NCS1: variants seen among roughly 807,000 people sequenced by gnomAD.
The protein encoded by NCS1 is neuronal calcium sensor 1, also known as frequenin homolog.
NCS1 carries 6 observed loss-of-function variants against 28.4 expected under a neutral mutation model. The ratio of observed to expected loss-of-function variants is 0.21; its 90% CI spans 0.12 to 0.42. NCS1 has a LOEUF of 0.42. NCS1 is among the 10% of genes least tolerant of loss of function. The probability of loss-of-function intolerance (pLI) is 1.00; values close to 1 mark genes in which losing one functional copy is unlikely to be tolerated. For synonymous variants in NCS1, 86 were observed against 99.3 expected (o/e 0.87, Z 0.79); for missense variants, 131 against 241.4 (o/e 0.54, Z 3.03).
chr9:130,211,499 G>C (rs117732172), intron 2 of NCS1, among the ~76,000 whole-genome samples: 3,393 of 151,602 alleles, frequency 0.022, 71 homozygotes, highest in South Asian at 0.049. Flanking sequence ...ATGATGCTGG[G>C]ACTCCTGTCC....
rs1453264369 is a variant in NCS1, at chr9:130,201,815, C to G, written c.89+833C>G. On this transcript the variant is annotated intron_variant, in intron 2 of 7. Transcript: ENST00000372398. Reference sequence around the variant, plus strand: ...CTGCTGAGCCCTTGCTGGGAGGTGCCCCATCCTGGGATTGAGTTTCCGCCC... The same window carrying G: ...CTGCTGAGCCCTTGCTGGGAGGTGCGCCATCCTGGGATTGAGTTTCCGCCC... 3.3e-5 allele frequency among the ~76,000 whole-genome samples: 5 copies of G among 152,282 alleles called. No individual in the cohort carries two copies. In the East Asian group the frequency reaches 9.7e-4, roughly 29 times the overall value.
At chr9:130,197,618 G>C (rs868996147) in intron 1 of NCS1, among the ~76,000 whole-genome samples, 24 of 152,174 alleles carry the variant, frequency 1.6e-4, no homozygotes, top group Admixed American at 5.9e-4. Flanking sequence ...CGGGAGGGCT[G>C]GGGGCAGGTG....
Position 130,175,209 on chromosome 9 carries a change from G to C in NCS1, c.64+2482G>C, listed in dbSNP as rs1832547506. ...TCCCCCCATGTGTTGGCCTTTAGTA[G>C]GTTCACAGAATGAAAAGTCTCCCAA... On this transcript the variant is annotated intron_variant, in intron 1 of 7. Transcript: ENST00000372398. This position sits in a 1 kb window ranked among gnomAD's most constrained non-coding sequence, Gnocchi z 4.9. 6.6e-6 allele frequency among the ~76,000 whole-genome samples: 1 copy of C among 152,108 alleles called. No homozygotes were observed. The highest frequency in any genetic ancestry group is 1.5e-5 in the Non-Finnish European group (1 of 68,032).
At chr9:130,173,889 G>A (rs1832526997) in intron 1 of NCS1, among the ~76,000 whole-genome samples, 1 of 152,166 alleles carries the variant, frequency 6.6e-6, no homozygotes, top group African/African-American at 2.4e-5. Context: ...CCAAGCCCAC[G>A]CTTCAGCTCC....
At chr9:130,206,403 C>CT (rs71387330) in intron 2 of NCS1, among the ~76,000 whole-genome samples, 1,389 of 116,468 alleles carry the variant, frequency 0.012, 39 homozygotes, top group African/African-American at 0.042. Context: ...TTCTTTCTTT[C>CT]TTTTTTTTTT....
chr9:130,187,316 C>T (rs1832751027), intron 1 of NCS1, among the ~76,000 whole-genome samples: 1 of 152,176 alleles, frequency 6.6e-6, no homozygotes, highest in Admixed American at 6.5e-5. Context: ...TCCTCCTGCT[C>T]TCTGAGCACC....
Position 130,215,967 on chromosome 9 carries a change from C to G in NCS1, c.90-1865C>G, listed in dbSNP as rs1833177582. ...TCCTCCTCCTCCCCTCAACCGCCCT[C>G]ACTCCGGCAGCAGCAGCCACAGTAC... On this transcript the variant is annotated intron_variant, in intron 2 of 7. Transcript: ENST00000372398. This position sits in a 1 kb window ranked among gnomAD's most constrained non-coding sequence, Gnocchi z 4.2. Among the ~76,000 whole-genome samples, 1 of 152,182 alleles carries G rather than the reference C, an allele frequency of 6.6e-6. No homozygotes were observed. The highest frequency in any genetic ancestry group is 2.4e-5 in the African/African-American group (1 of 41,448).
chr9:130,176,142 C>T (rs4837477), intron 1 of NCS1, among the ~76,000 whole-genome samples: 26,406 of 73,996 alleles, frequency 0.36, 4,266 homozygotes, highest in East Asian at 0.67. Flanking sequence ...TGTTCATTTT[C>T]TTTCTTTCTT....
At chr9:130,206,630 G>A (rs1334803376) in intron 2 of NCS1, among the ~76,000 whole-genome samples, 5 of 151,952 alleles carry the variant, frequency 3.3e-5, no homozygotes, top group African/African-American at 1.2e-4. Context: ...GGCTGGTCTC[G>A]AACTCCTGAC....
chr9:130,188,703 G>A (rs1564704334), intron 1 of NCS1, among the ~76,000 whole-genome samples: 1 of 150,704 alleles, frequency 6.6e-6, no homozygotes, highest in East Asian at 2.0e-4. Flanking sequence ...GAGCCACTGC[G>A]CCCAGCCTCT....
intron 4 of NCS1, among the ~76,000 whole-genome samples, chr9:130,221,010 C>T (rs1833277497): frequency 6.6e-6 from 1 of 151,918 alleles, no homozygotes; most frequent in African/African-American, 2.4e-5. Flanking sequence ...GCCCAATGCC[C>T]CATCCCTTTA....
In NCS1 at chr9:130,196,572, C is replaced by T. The variant is rs141882407; in HGVS notation, c.65-4386C>T. ...TGGCCAGCATGGTGAAACCCCGTCT[C>T]TACCAAAAATACGAAAATTAGCCAG... On this transcript the variant is annotated intron_variant, in intron 1 of 7. Transcript: ENST00000372398. Among the ~76,000 whole-genome samples the T allele has an allele frequency of 3.0e-3, 455 of 152,300 alleles. 7 individuals carry two copies. In the South Asian group the frequency reaches 0.034, roughly 11 times the overall value.
At chr9:130,221,759 A>AAT (rs1325298301) in intron 4 of NCS1, among the ~76,000 whole-genome samples, 8 of 140,582 alleles carry the variant, frequency 5.7e-5, no homozygotes, top group Admixed American at 1.5e-4. Flanking sequence ...TAAATAAATA[A>AAT]ATATATATAT....
chr9:130,190,063 A>AGAGAGAGAGAGAGAGG (rs1832798287), intron 1 of NCS1, among the ~76,000 whole-genome samples: 1 of 148,712 alleles, frequency 6.7e-6, no homozygotes, highest in African/African-American at 2.5e-5. Flanking sequence ...AGAGAGAGAG[A>AGAGAGAGAGAGAGAGG]GAATATATGT....
intron 1 of NCS1, among the ~76,000 whole-genome samples, chr9:130,193,127 G>T (rs1245846997): frequency 1.3e-5 from 2 of 152,160 alleles, no homozygotes; most frequent in Non-Finnish European, 2.9e-5. Context: ...CCTCCGCTCT[G>T]ACTTAGCTGT....
chr9:130,220,549 G>A (rs1218603313), intron 4 of NCS1, among the ~76,000 whole-genome samples: 5 of 152,052 alleles, frequency 3.3e-5, no homozygotes, highest in African/African-American at 1.2e-4. Flanking sequence ...GCCCGCGTGT[G>A]CGAGGCCCAG....
intron 2 of NCS1, among the ~76,000 whole-genome samples, chr9:130,217,489 A>G (rs1564712325): frequency 1.3e-5 from 2 of 152,148 alleles, no homozygotes; most frequent in Non-Finnish European, 2.9e-5. Flanking sequence ...GGCTTTGGGG[A>G]GGCCATTCAT....
intron 1 of NCS1, among the ~76,000 whole-genome samples, chr9:130,182,671 C>T (rs1384449554): frequency 1.3e-5 from 2 of 152,218 alleles, no homozygotes; most frequent in Non-Finnish European, 2.9e-5. Flanking sequence ...TCAGCAGGTG[C>T]TGACCGTGTG....
intron 6 of NCS1, among the ~76,000 whole-genome samples, chr9:130,225,404 C>T (rs782741411): frequency 1.3e-5 from 2 of 152,256 alleles, no homozygotes; most frequent in Non-Finnish European, 1.5e-5. Flanking sequence ...AAAGATTTAT[C>T]GACAGAGTGT....
Sources: gnomAD v4.1 joint callset for allele counts (sites outside exome capture counted in the v4.1 genomes callset) on GRCh38, gnomAD v4.1.1 for gene constraint, Gnocchi (gnomAD v3.1) non-coding constraint, MANE v1.5 for transcripts, NCBI Gene and HGNC (gene_info 2026-07-23, HGNC 2026-07-21) for gene names.